Variants in ADCK1 observed in about 807,000 individuals in gnomAD.
The protein encoded by ADCK1 is aarF domain containing kinase 1.
ADCK1 carries 41 observed loss-of-function variants against 52.3 expected under a neutral mutation model. That is an observed-to-expected ratio of 0.78 (90% CI 0.61 to 1.02). The LOEUF (loss-of-function observed/expected upper bound fraction) is 1.02. ADCK1 is among the 50% of genes least tolerant of loss of function. The probability of loss-of-function intolerance (pLI) is 0.00; values close to 1 mark genes in which losing one functional copy is unlikely to be tolerated. For synonymous variants in ADCK1, 250 were observed against 274.6 expected (o/e 0.91, Z 0.89); for missense variants, 658 against 679.5 (o/e 0.97, Z 0.35).
chr14:77,858,174 G>T (rs1402669115), intron 3 of ADCK1, among the ~76,000 whole-genome samples: 1 of 152,140 alleles, frequency 6.6e-6, no homozygotes, highest in Non-Finnish European at 1.5e-5. Context: ...GCTAAAGTTT[G>T]CTGCACTAAA....
At chr14:77,842,454 TCCTTCC>T (rs2082091225) in intron 3 of ADCK1, among the ~76,000 whole-genome samples, 2 of 41,784 alleles carry the variant, frequency 4.8e-5, no homozygotes, top group African/African-American at 1.2e-4. Flanking sequence ...TTTTTTTCCT[TCCTTCC>T]TTCCTTCCTT....
chr14:77,924,294 C>T (rs74969652), intron 7 of ADCK1, 163 bp from the exon 8 acceptor site: 1 of 459,324 alleles, frequency 2.2e-6, no homozygotes, highest in Non-Finnish European at 3.2e-6. Context: ...ATCTTAAACT[C>T]AAAGAGTATG....
At chr14:77,827,093 C>T (rs1037709710) in intron 3 of ADCK1, among the ~76,000 whole-genome samples, 12 of 151,974 alleles carry the variant, frequency 7.9e-5, no homozygotes. Context: ...GTGGCTCACG[C>T]CTGTAATCCC....
intron 6 of ADCK1, among the ~76,000 whole-genome samples, chr14:77,901,027 G>GGC (rs2083527710): frequency 6.6e-6 from 1 of 150,912 alleles, no homozygotes; most frequent in Admixed American, 6.7e-5. Flanking sequence ...CTGAGAAGTT[G>GGC]GCACTAGAGT....
At chr14:77,897,108 A>T (rs3783961) in intron 5 of ADCK1, among the ~76,000 whole-genome samples, 84,537 of 151,992 alleles carry the variant, frequency 0.56, 23,682 homozygotes, top group Admixed American at 0.61. Context: ...GGGAAGGGGA[A>T]GGTCTTTTGG....
At position 77,913,985 on chromosome 14, in the gene ADCK1, C is replaced by T. The variant is rs539827181; in HGVS notation, c.858+6066C>T. 1.2e-4 allele frequency among the ~76,000 whole-genome samples: 18 copies of T among 152,282 alleles called. 1 individual carries two copies. The highest frequency in any genetic ancestry group is 1.2e-3 in the Admixed American group (18 of 15,292). On this transcript the variant is annotated intron_variant, in intron 7 of 10. Coordinates refer to ENST00000238561, the MANE Select transcript of ADCK1 (RefSeq NM_020421.4). ...CTGTCTGTTCCCAGAGCATCAGTCT[C>T]CATCTTCTGTCAGGGTCGGGTGGGG... is the stretch of plus-strand genomic sequence containing the variant.
chr14:77,811,893 G>T (rs72688835), intron 1 of ADCK1, among the ~76,000 whole-genome samples: 8,208 of 152,064 alleles, frequency 0.054, 301 homozygotes, highest in East Asian at 0.16. Context: ...AATAAAATGG[G>T]GACAGGGAAA....
Position 77,888,009 on chromosome 14 carries a change from C to A in ADCK1, c.582+760C>A, listed in dbSNP as rs777221824. 3.3e-5 allele frequency among the ~76,000 whole-genome samples: 5 copies of A among 152,310 alleles called. No homozygotes were observed. In the South Asian group the frequency reaches 6.2e-4, roughly 19 times the overall value. On this transcript the variant is annotated intron_variant, in intron 5 of 10. Coordinates refer to ENST00000238561, the MANE Select transcript of ADCK1 (RefSeq NM_020421.4). ...ATGCATATATTGAGGGTCTTCTGCA[C>A]CCTATGCTAGGTGGGTGCTGGGGAC...
At chr14:77,847,792 A>G (rs8018945) in intron 3 of ADCK1, among the ~76,000 whole-genome samples, 20,225 of 152,134 alleles carry the variant, frequency 0.13, 1,418 homozygotes, top group Middle Eastern at 0.19. Context: ...CCTTCTCACA[A>G]TGATTCCCAA....
chr14:77,924,502 A>G lies in ADCK1; in HGVS notation c.904A>G (p.Asn302Asp), dbSNP rs553439730. The G allele has an allele frequency of 5.0e-6, 8 of 1,614,142 alleles. No homozygotes were observed. In the Admixed American group the frequency reaches 1.3e-4, roughly 27 times the overall value. Residue 302 changes from asparagine to aspartate, a missense_variant, in exon 8 of 11, where the codon AAT (asparagine) becomes GAT (aspartate). Asn to Asp is a conservative substitution (Grantham distance 23). Transcript: ENST00000238561. ...GATGTATAGTGAGATGATCTTCGTCAATGGCTTCGTGCACTGCGATCCCCA... is the reference window on the plus strand; with the variant it reads ...GATGTATAGTGAGATGATCTTCGTCGATGGCTTCGTGCACTGCGATCCCCA... ...GKMYSEMIFV[N>D]GFVHCDPHPG...
At chr14:77,864,401 G>T (rs892221750) in intron 4 of ADCK1, among the ~76,000 whole-genome samples, 1 of 152,222 alleles carries the variant, frequency 6.6e-6, no homozygotes. Flanking sequence ...CACTGTAGGC[G>T]CAAGGACCAG....
chr14:77,885,960 TG>T lies in ADCK1; in HGVS notation c.424-1129del, dbSNP rs1432671016. Among the ~76,000 whole-genome samples, 4 of 152,168 alleles carry T rather than the reference TG, an allele frequency of 2.6e-5. No homozygotes were observed. In the East Asian group the frequency reaches 7.7e-4, roughly 29 times the overall value. On this transcript the variant is annotated intron_variant, in intron 4 of 10. Transcript: ENST00000238561. The stretch of plus-strand genomic sequence containing the variant: ...GGAATTTTATTTCCTTCAGGAATAT[TG>T]GTATGGCATTTCTAAGAGGGAAGGA...
At chr14:77,874,944 A>G (rs1259245550) in intron 4 of ADCK1, among the ~76,000 whole-genome samples, 1 of 152,192 alleles carries the variant, frequency 6.6e-6, no homozygotes, top group Non-Finnish European at 1.5e-5. Context: ...ACGAGAATGC[A>G]GAGACCTCAG....
chr14:77,886,133 T>G (rs1356879064), intron 4 of ADCK1, among the ~76,000 whole-genome samples: 2 of 152,250 alleles, frequency 1.3e-5, no homozygotes, highest in African/African-American at 4.8e-5. Context: ...AGTTCTGGCT[T>G]GCAGCCCTGG....
chr14:77,887,454 A>G (rs2287649), intron 5 of ADCK1, among the ~76,000 whole-genome samples: 16,086 of 151,950 alleles, frequency 0.11, 1,318 homozygotes, highest in African/African-American at 0.23. Flanking sequence ...TTAGTTCTTG[A>G]TTTGTCCCTG....
intron 2 of ADCK1, among the ~76,000 whole-genome samples, chr14:77,819,445 G>A (rs1413954342): frequency 1.3e-5 from 2 of 152,144 alleles, no homozygotes; most frequent in Non-Finnish European, 2.9e-5. Context: ...ACCAAGAGGG[G>A]CCGTGCTCTT....
At chr14:77,826,442 G>A (rs989297454) in intron 3 of ADCK1, among the ~76,000 whole-genome samples, 1 of 152,218 alleles carries the variant, frequency 6.6e-6, no homozygotes, top group African/African-American at 2.4e-5. Flanking sequence ...CAGTGACTCA[G>A]ATCTGGAACC....
At chr14:77,928,457 G>A (rs1211206655) in intron 9 of ADCK1, among the ~76,000 whole-genome samples, 1 of 141,772 alleles carries the variant, frequency 7.1e-6, no homozygotes, top group Non-Finnish European at 1.5e-5. Flanking sequence ...ATAGAATTTT[G>A]TTTTTGCATT....
intron 3 of ADCK1, among the ~76,000 whole-genome samples, chr14:77,855,742 G>T (rs1006796813): frequency 1.3e-5 from 2 of 152,184 alleles, no homozygotes; most frequent in African/African-American, 2.4e-5. Context: ...TTAGGAAAGA[G>T]ATGCTGGATT....
Sources: gnomAD v4.1 joint callset for allele counts (sites outside exome capture counted in the v4.1 genomes callset) on GRCh38, gnomAD v4.1.1 for gene constraint, MANE v1.5 for transcripts, NCBI Gene and HGNC (gene_info 2026-07-23, HGNC 2026-07-21) for gene names.